Variants in AUTS2 observed in about 807,000 individuals in gnomAD.
The protein encoded by AUTS2 is autism susceptibility gene 2 protein.
Under a neutral mutation model 112.4 loss-of-function variants are expected in AUTS2, and 17 were observed. The observed-to-expected ratio is 0.15, with a 90% CI of 0.10 to 0.23. AUTS2 has a LOEUF of 0.23. AUTS2 is among the 10% of genes least tolerant of loss of function. The probability of loss-of-function intolerance (pLI) is 1.00; values close to 1 mark genes in which losing one functional copy is unlikely to be tolerated. For synonymous variants in AUTS2, 751 were observed against 702.7 expected (o/e 1.07, Z -1.09); for missense variants, 1,510 against 1,701.6 (o/e 0.89, Z 1.98).
At chr7:70,457,888 T>G (rs1394490628) in intron 5 of AUTS2, among the ~76,000 whole-genome samples, 1 of 152,190 alleles carries the variant, frequency 6.6e-6, no homozygotes, top group Admixed American at 6.5e-5. Context: ...TTCCTGGGTG[T>G]AGGAAATGGT....
At chr7:70,443,762 A>G (rs1314056339) in intron 5 of AUTS2, among the ~76,000 whole-genome samples, 2 of 152,148 alleles carry the variant, frequency 1.3e-5, no homozygotes, top group Non-Finnish European at 2.9e-5. Flanking sequence ...CTGACATGAG[A>G]ATTATAGTTG....
chr7:70,436,828 T>A (rs1244536292), intron 5 of AUTS2: 1 of 152,240 alleles, frequency 6.6e-6, no homozygotes, highest in African/African-American at 2.4e-5. Flanking sequence ...TGTCGTTAAT[T>A]TGAATTCAGC....
At chr7:69,625,228 T>G (rs570662058) in intron 1 of AUTS2, among the ~76,000 whole-genome samples, 1 of 152,222 alleles carries the variant, frequency 6.6e-6, no homozygotes, top group South Asian at 2.1e-4. Flanking sequence ...CTCTCTTTTA[T>G]AGGAAAAGGG....
At chr7:70,357,974 A>C (rs938668054) in intron 4 of AUTS2, among the ~76,000 whole-genome samples, 4 of 131,960 alleles carry the variant, frequency 3.0e-5, no homozygotes, top group Non-Finnish European at 6.2e-5. Flanking sequence ...CATTGAGAGC[A>C]TGGAGGTTGG....
intron 2 of AUTS2, among the ~76,000 whole-genome samples, chr7:70,062,597 C>G (rs2129561055): frequency 6.6e-6 from 1 of 152,158 alleles, no homozygotes; most frequent in African/African-American, 2.4e-5. Context: ...ATATCCTTAG[C>G]TAGTTTCATC....
At chr7:70,251,120 A>G (rs1324724763) in intron 4 of AUTS2, among the ~76,000 whole-genome samples, 7 of 151,782 alleles carry the variant, frequency 4.6e-5, no homozygotes, top group East Asian at 3.9e-4. Context: ...GCTGGAGTGC[A>G]CTGGCACAAT....
At chr7:70,481,408 A>G (rs928982670) in intron 5 of AUTS2, among the ~76,000 whole-genome samples, 3 of 152,206 alleles carry the variant, frequency 2.0e-5, no homozygotes, top group Non-Finnish European at 4.4e-5. Flanking sequence ...TTAAAACAAC[A>G]GCAAATTGCT....
Position 70,065,845 on chromosome 7 carries a change from G to A in AUTS2, c.523-52287G>A, listed in dbSNP as rs1563075766. Among the ~76,000 whole-genome samples the A allele has an allele frequency of 2.6e-5, 4 of 152,144 alleles. 1 individual carries two copies. The South Asian group carries it at 8.3e-4, about 32-fold the overall frequency. ...CTCAGCCTCTTGGGTAGCTAGGACT[G>A]CAGGTGTATGCTACCATGCACAGCT... On this transcript the variant is annotated intron_variant, in intron 2 of 18. Transcript: ENST00000342771.
intron 9 of AUTS2, among the ~76,000 whole-genome samples, chr7:70,767,613 G>C (rs1001405206): frequency 2.0e-5 from 3 of 152,180 alleles, no homozygotes; most frequent in Non-Finnish European, 4.4e-5. Context: ...CATTTCAGAA[G>C]ACAGCTGCAT....
chr7:70,583,191 A>C (rs944801315), intron 5 of AUTS2, among the ~76,000 whole-genome samples: 3 of 152,188 alleles, frequency 2.0e-5, no homozygotes, highest in Non-Finnish European at 4.4e-5. Context: ...GCACTTAATT[A>C]TTATCCAAAT....
In AUTS2 at chr7:70,703,346, C is replaced by T. The variant is rs1809560026; in HGVS notation, c.742+4726C>T. 2.0e-5 allele frequency among the ~76,000 whole-genome samples: 3 copies of T among 151,952 alleles called. No homozygotes were observed. In the South Asian group the frequency reaches 6.2e-4, roughly 32 times the overall value. The stretch of plus-strand genomic sequence containing the variant: ...CTCATCTCTACTAAAATTCCAAAAA[C>T]CTAGCTGGGGTTGGTAGCGTGTATT... On this transcript the variant is annotated intron_variant, in intron 6 of 18. Transcript: ENST00000342771.
intron 4 of AUTS2, among the ~76,000 whole-genome samples, chr7:70,205,413 CCATATAA>C (rs1452344184): frequency 2.0e-5 from 3 of 152,092 alleles, no homozygotes; most frequent in African/African-American, 7.2e-5. Flanking sequence ...CAGTCATGCA[CCATATAA>C]CAACGTGTCA....
intron 4 of AUTS2, among the ~76,000 whole-genome samples, chr7:70,421,984 C>A (rs949236260): frequency 6.6e-6 from 1 of 152,062 alleles, no homozygotes; most frequent in Non-Finnish European, 1.5e-5. Context: ...GGTTTTAAAG[C>A]CATCCTAAAA....
At chr7:69,675,378 G>T (rs1257937458) in intron 1 of AUTS2, among the ~76,000 whole-genome samples, 4 of 151,964 alleles carry the variant, frequency 2.6e-5, no homozygotes, top group Admixed American at 2.6e-4. Context: ...TCCAGGACTA[G>T]TGAAACTTTT....
intron 5 of AUTS2, among the ~76,000 whole-genome samples, chr7:70,457,773 A>C (rs753151352): frequency 6.6e-6 from 1 of 152,194 alleles, no homozygotes; most frequent in African/African-American, 2.4e-5. Flanking sequence ...GCAGTTAACT[A>C]TGCTAAACTC....
intron 1 of AUTS2, among the ~76,000 whole-genome samples, chr7:69,699,305 C>T (rs1797697954): frequency 6.6e-6 from 1 of 152,146 alleles, no homozygotes; most frequent in Non-Finnish European, 1.5e-5. Flanking sequence ...GTGCCCCATT[C>T]TTCAGGCTTT....
At chr7:69,681,641 G>A (rs1796802783) in intron 1 of AUTS2, among the ~76,000 whole-genome samples, 1 of 152,168 alleles carries the variant, frequency 6.6e-6, no homozygotes, top group South Asian at 2.1e-4. Context: ...CCTCCACTCT[G>A]TTCCCTGCCA....
intron 6 of AUTS2, among the ~76,000 whole-genome samples, chr7:70,743,883 A>G (rs748359462): frequency 3.3e-5 from 5 of 152,116 alleles, no homozygotes; most frequent in African/African-American, 4.8e-5. Context: ...GGGAGCAATC[A>G]TCATTTCTAG....
At chr7:70,737,436 T>G (rs182900342) in intron 6 of AUTS2, among the ~76,000 whole-genome samples, 1 of 152,362 alleles carries the variant, frequency 6.6e-6, no homozygotes, top group East Asian at 1.9e-4. Flanking sequence ...AAGGAATTTA[T>G]TTTTGAAACC....
Sources: allele counts gnomAD v4.1 joint callset (sites outside exome capture counted in the v4.1 genomes callset), GRCh38; gene constraint gnomAD v4.1.1; transcripts MANE v1.5; gene names NCBI Gene and HGNC (gene_info 2026-07-23, HGNC 2026-07-21).